WDTC1: variants seen among roughly 807,000 people sequenced by gnomAD.
The protein encoded by WDTC1 is WD and tetratricopeptide repeats 1, also known as WD and tetratricopeptide repeats protein 1.
In WDTC1, 12 loss-of-function variants were observed where a neutral mutation model predicts 76.0. The observed-to-expected ratio is 0.16, with a 90% CI of 0.10 to 0.26. The LOEUF (loss-of-function observed/expected upper bound fraction) is 0.26, where lower values mean the gene tolerates loss of function less well. Ranked by LOEUF, WDTC1 falls within the 10% of genes least tolerant of loss-of-function variation. The probability of loss-of-function intolerance (pLI) is 1.00; values close to 1 mark genes in which losing one functional copy is unlikely to be tolerated. For synonymous variants in WDTC1, 326 were observed against 350.8 expected (o/e 0.93, Z 0.79); for missense variants, 511 against 908.8 (o/e 0.56, Z 5.63).
chr1:27,306,166 C>A lies in WDTC1; in HGVS notation c.1837-20C>A. The A allele has an allele frequency of 6.2e-7, 1 of 1,613,874 alleles. No individual in the cohort carries two copies. Among genetic ancestry groups the A allele is most frequent in the South Asian group, 1.1e-5 (1 of 91,058 alleles). ...CTCCCTCCCTGAGCCCCACGTGTGTCACCCCTTTCTCCACCACAGAGTGAA... is the reference window on the plus strand; with the variant it reads ...CTCCCTCCCTGAGCCCCACGTGTGTAACCCCTTTCTCCACCACAGAGTGAA... On this transcript the variant is annotated intron_variant, in intron 15 of 15. Coordinates refer to ENST00000319394, the MANE Select transcript of WDTC1 (RefSeq NM_001276252.2). The surrounding 1 kb of genome is among the most constrained non-coding windows in gnomAD (Gnocchi z 5.0).
intron 1 of WDTC1, among the ~76,000 whole-genome samples, chr1:27,260,087 GTTTTTTGTTTTTGT>G (rs954347545): frequency 4.0e-5 from 6 of 151,646 alleles, no homozygotes; most frequent in Admixed American, 1.3e-4. Flanking sequence ...GATTTTTTTT[GTTTTTTGTTTTTGT>G]TTTTTTGTTT....
chr1:27,247,288 C>T (rs1390013132), intron 1 of WDTC1, among the ~76,000 whole-genome samples: 1 of 151,994 alleles, frequency 6.6e-6, no homozygotes, highest in Non-Finnish European at 1.5e-5. Context: ...AACTTCTGAC[C>T]TTAAGTGATC....
intron 6 of WDTC1, among the ~76,000 whole-genome samples, chr1:27,291,434 C>A (rs1288121195): frequency 6.6e-6 from 1 of 152,074 alleles, no homozygotes; most frequent in Non-Finnish European, 1.5e-5. Context: ...GTGAAGATGG[C>A]TTAGAAAGAC....
intron 1 of WDTC1, among the ~76,000 whole-genome samples, chr1:27,235,392 TTCTGTG>T (rs2011473569): frequency 1.7e-5 from 2 of 119,284 alleles, no homozygotes; most frequent in Admixed American, 9.5e-5. Flanking sequence ...CTCTCTCTCT[TTCTGTG>T]TGTGTGTGTG....
chr1:27,306,372 C>G lies in WDTC1; in HGVS notation c.2023C>G (p.Arg675Gly). 1 of 1,612,196 alleles carries G rather than the reference C, an allele frequency of 6.2e-7. No individual in the cohort carries two copies. Among genetic ancestry groups the G allele is most frequent in the Non-Finnish European group, 8.5e-7 (1 of 1,179,922 alleles). ...CAGCTCTGAGGGCCAGGTGCAGTGCCGGCCCAGCTAGACCCTCCAGCCCTG... is the reference window on the plus strand; with the variant it reads ...CAGCTCTGAGGGCCAGGTGCAGTGCGGGCCCAGCTAGACCCTCCAGCCCTG... ...EDSSEGQVQC[R>G]PS Residue 675 changes from arginine to glycine, a missense_variant, in exon 16 of 16, where the codon CGG (arginine) becomes GGG (glycine). By Grantham distance (125) the Arg-to-Gly change is moderately radical (BLOSUM62 -2). Coordinates refer to ENST00000319394, the MANE Select transcript of WDTC1 (RefSeq NM_001276252.2). This position sits in a 1 kb window ranked among gnomAD's most constrained non-coding sequence, Gnocchi z 5.0.
chr1:27,255,313 C>T (rs1322233317), intron 1 of WDTC1, among the ~76,000 whole-genome samples: 1 of 152,102 alleles, frequency 6.6e-6, no homozygotes, highest in Non-Finnish European at 1.5e-5. Flanking sequence ...AGAGAATGGA[C>T]TTTGGAATCA....
At chr1:27,248,358 G>T (rs1195446901) in intron 1 of WDTC1, among the ~76,000 whole-genome samples, 1 of 152,198 alleles carries the variant, frequency 6.6e-6, no homozygotes, top group African/African-American at 2.4e-5. Flanking sequence ...ACTAGTGTGA[G>T]ATGGTATCTC....
rs922049128 is a variant in WDTC1 at position 27,304,144 on chromosome 1, A to G, written c.1643+349A>G. ...TTCAAGGAACCTCCCTCTGCTTGAG[A>G]GTATGAGGCAGCAGCCCTCCAAGGC... On this transcript the variant is annotated intron_variant, in intron 14 of 15. Coordinates refer to ENST00000319394, the MANE Select transcript of WDTC1 (RefSeq NM_001276252.2). 14 of 267,708 alleles carry G rather than the reference A, an allele frequency of 5.2e-5. No individual in the cohort carries two copies. The Admixed American group carries it at 7.2e-4, about 14-fold the overall frequency. The allele number at this position is 267,708 out of a possible 1,614,324, so 16.6% of individuals were successfully genotyped here.
chr1:27,292,591 C>T lies in WDTC1; in HGVS notation c.662+194C>T, dbSNP rs117817291. Among the ~76,000 whole-genome samples the T allele has an allele frequency of 3.0e-4, 45 of 152,024 alleles. 1 individual carries two copies. The East Asian group carries it at 8.7e-3, about 29-fold the overall frequency. On this transcript the variant is annotated intron_variant, in intron 7 of 15. Transcript: ENST00000319394. ...TACAGTCACACGCCACCTCGCTTGGCTAATTTTTTAATTTTTTTATAGGGG... is the reference window on the plus strand; with the variant it reads ...TACAGTCACACGCCACCTCGCTTGGTTAATTTTTTAATTTTTTTATAGGGG...
chr1:27,304,740 A>G, intron 14 of WDTC1: 1 of 369,706 alleles, frequency 2.7e-6, no homozygotes, highest in East Asian at 4.6e-5. Context: ...ATGTAAGATG[A>G]TCCTGGCCCA....
At chr1:27,296,205 T>C in intron 9 of WDTC1, 121 bp from the exon 10 acceptor site, 2 of 1,172,954 alleles carry the variant, frequency 1.7e-6, no homozygotes, top group Non-Finnish European at 2.5e-6. Flanking sequence ...TTGATTGTTC[T>C]ATGCTCAACA....
intron 1 of WDTC1, among the ~76,000 whole-genome samples, chr1:27,256,218 A>G (rs768681570): frequency 3.9e-5 from 6 of 152,054 alleles, no homozygotes; most frequent in Non-Finnish European, 8.8e-5. Flanking sequence ...TACACAGCTA[A>G]CACCACCTGC....
In WDTC1 at chr1:27,296,644, C is replaced by T. The variant is rs139133766; in HGVS notation, c.949+243C>T. Among the ~76,000 whole-genome samples, 520 of 152,262 alleles carry T rather than the reference C, an allele frequency of 3.4e-3. 1 individual carries two copies. Among genetic ancestry groups the T allele is most frequent in the African/African-American group, 0.012 (497 of 41,524 alleles). ...AAGACAGGTTCCTTCCATGGCTTGG[C>T]TCTTGAGAACCTGAAATAGTTCCCC... On this transcript the variant is annotated intron_variant, in intron 10 of 15. Coordinates refer to ENST00000319394, the MANE Select transcript of WDTC1 (RefSeq NM_001276252.2).
intron 2 of WDTC1, 22 bp downstream of exon 2, chr1:27,261,124 A>C (rs1055292287): frequency 6.2e-7 from 1 of 1,613,664 alleles, no homozygotes; most frequent in African/African-American, 1.3e-5. Context: ...AGACTTCTGC[A>C]CCAGATCATG....
intron 1 of WDTC1, among the ~76,000 whole-genome samples, chr1:27,236,919 A>G (rs2011501203): frequency 6.6e-6 from 1 of 152,084 alleles, no homozygotes; most frequent in African/African-American, 2.4e-5. Flanking sequence ...GCTCACTGCA[A>G]CCTCAGCCTC....
intron 10 of WDTC1, 123 bp downstream of exon 10, chr1:27,296,524 A>C: frequency 1.0e-6 from 1 of 994,412 alleles, no homozygotes; most frequent in Non-Finnish European, 1.6e-6. Flanking sequence ...CAGATCTCTG[A>C]AATAACCCCA....
intron 1 of WDTC1, among the ~76,000 whole-genome samples, chr1:27,235,232 G>A (rs939657113): frequency 4.7e-4 from 72 of 152,306 alleles, no homozygotes; most frequent in African/African-American, 1.6e-3. Flanking sequence ...AGAGGTGGAA[G>A]TCATTCCATC....
At chr1:27,299,667 A>G (rs2013782946) in intron 12 of WDTC1, among the ~76,000 whole-genome samples, 1 of 152,004 alleles carries the variant, frequency 6.6e-6, no homozygotes, top group Non-Finnish European at 1.5e-5. Flanking sequence ...CGGCCTAGGG[A>G]GAGCTTGGAA....
chr1:27,263,558 C>T (rs1184688286), intron 3 of WDTC1, among the ~76,000 whole-genome samples: 4 of 152,104 alleles, frequency 2.6e-5, no homozygotes, highest in Admixed American at 6.6e-5. Context: ...CTCAGCCTCC[C>T]GAGTAGCTGG....
Sources: allele counts gnomAD v4.1 joint callset (sites outside exome capture counted in the v4.1 genomes callset), GRCh38; gene constraint gnomAD v4.1.1; non-coding constraint Gnocchi (gnomAD v3.1); transcripts MANE v1.5; gene names NCBI Gene and HGNC (gene_info 2026-07-23, HGNC 2026-07-21).